PTPRD: variants seen among roughly 807,000 people sequenced by gnomAD.
The protein encoded by PTPRD is receptor-type tyrosine-protein phosphatase delta.
Under a neutral mutation model 214.5 loss-of-function variants are expected in PTPRD, and 34 were observed. That is an observed-to-expected ratio of 0.16 (90% CI 0.12 to 0.21). The LOEUF is 0.21. PTPRD is among the 10% of genes least tolerant of loss of function. The pLI is 1.00. For synonymous variants in PTPRD, 1,128 were observed against 845.7 expected (o/e 1.33, Z -5.79); for missense variants, 2,545 against 2,398.7 (o/e 1.06, Z -1.27).
chr9:10,525,520 T>C (rs144567635), intron 2 of PTPRD, among the ~76,000 whole-genome samples: 1 of 152,290 alleles, frequency 6.6e-6, no homozygotes, highest in Non-Finnish European at 1.5e-5. Flanking sequence ...AATTGATTTA[T>C]AGTTTCTAAT....
intron 2 of PTPRD, among the ~76,000 whole-genome samples, chr9:10,387,188 T>G (rs2097931603): frequency 6.6e-6 from 1 of 151,926 alleles, no homozygotes; most frequent in East Asian, 1.9e-4. Flanking sequence ...AAATTTGTGT[T>G]GTTTTAAGGC....
intron 9 of PTPRD, among the ~76,000 whole-genome samples, chr9:9,228,203 A>G (rs150070503): frequency 3.3e-5 from 5 of 152,240 alleles, no homozygotes; most frequent in African/African-American, 7.2e-5. Flanking sequence ...CTGTGCTTCA[A>G]TGAAGACATT....
At chr9:8,369,118 T>G (rs988626207) in intron 39 of PTPRD, among the ~76,000 whole-genome samples, 1 of 152,152 alleles carries the variant, frequency 6.6e-6, no homozygotes, top group Admixed American at 6.5e-5. Flanking sequence ...TTGGCAATAC[T>G]TGTGGTCTTT....
intron 9 of PTPRD, among the ~76,000 whole-genome samples, chr9:9,235,083 G>T (rs1043201026): frequency 1.3e-5 from 2 of 152,114 alleles, no homozygotes; most frequent in Non-Finnish European, 2.9e-5. Context: ...CCACATGGCT[G>T]GGGAGGCCTC....
At chr9:10,452,080 G>A (rs1330157239) in intron 2 of PTPRD, among the ~76,000 whole-genome samples, 1 of 151,936 alleles carries the variant, frequency 6.6e-6, no homozygotes, top group Admixed American at 6.6e-5. Flanking sequence ...ACTAGTAGAA[G>A]AAGCTTCAAG....
chr9:8,675,520 T>TACACACAC (rs1188291707), intron 12 of PTPRD, among the ~76,000 whole-genome samples: 8 of 82,906 alleles, frequency 9.6e-5, no homozygotes, highest in African/African-American at 2.1e-4. Context: ...TATGCACACA[T>TACACACAC]ACACACACAC....
intron 5 of PTPRD, among the ~76,000 whole-genome samples, chr9:9,877,320 T>A (rs2067167995): frequency 6.6e-6 from 1 of 152,136 alleles, no homozygotes; most frequent in Admixed American, 6.5e-5. Flanking sequence ...ATATACTCTT[T>A]TCCTCCACAG....
At chr9:8,477,438 G>C (rs2096787357) in intron 30 of PTPRD, among the ~76,000 whole-genome samples, 1 of 152,098 alleles carries the variant, frequency 6.6e-6, no homozygotes, top group East Asian at 1.9e-4. Flanking sequence ...TTATCATCAA[G>C]GGGCCCAGTT....
chr9:10,338,473 C>A (rs1233647882), intron 3 of PTPRD, among the ~76,000 whole-genome samples: 1 of 151,644 alleles, frequency 6.6e-6, no homozygotes, highest in Non-Finnish European at 1.5e-5. Flanking sequence ...TTTTGTGTGC[C>A]CAGCACATAC....
intron 8 of PTPRD, among the ~76,000 whole-genome samples, chr9:9,561,279 A>T (rs186777622): frequency 6.6e-6 from 1 of 152,126 alleles, no homozygotes; most frequent in African/African-American, 2.4e-5. Context: ...TCCAGATCAA[A>T]CCCATGGATA....
chr9:9,456,666 C>T (rs191540612), intron 8 of PTPRD, among the ~76,000 whole-genome samples: 1 of 151,956 alleles, frequency 6.6e-6, no homozygotes, highest in East Asian at 1.9e-4. Context: ...ATGAGCTATA[C>T]ATTTCATACA....
Position 9,009,798 on chromosome 9 carries a change from T to G in PTPRD, c.-104+8899A>C, listed in dbSNP as rs146168629. On this transcript the variant is annotated intron_variant, in intron 11 of 45. Coordinates refer to ENST00000381196, the MANE Select transcript of PTPRD (RefSeq NM_002839.4). Reference sequence around the variant, plus strand: ...TTGGATGCTTTGGCCACATAACGAGTATAAGGACAGATTGCAAAAATACTA... The same window carrying G: ...TTGGATGCTTTGGCCACATAACGAGGATAAGGACAGATTGCAAAAATACTA... 4.4e-3 allele frequency among the ~76,000 whole-genome samples: 673 copies of G among 151,990 alleles called. 6 individuals carry two copies. The highest frequency in any genetic ancestry group is 0.014 in the African/African-American group (592 of 41,442).
intron 4 of PTPRD, among the ~76,000 whole-genome samples, chr9:9,966,831 A>G (rs2094738866): frequency 6.6e-6 from 1 of 152,160 alleles, no homozygotes; most frequent in Admixed American, 6.5e-5. Flanking sequence ...GGAAGAGAAG[A>G]AAGAAAACTG....
At chr9:8,377,194 A>G (rs1020932219) in intron 37 of PTPRD, among the ~76,000 whole-genome samples, 1 of 152,132 alleles carries the variant, frequency 6.6e-6, no homozygotes, top group African/African-American at 2.4e-5. Flanking sequence ...TGGAAAATCT[A>G]TCAAAGTATA....
intron 6 of PTPRD, among the ~76,000 whole-genome samples, chr9:9,757,907 C>T (rs2098603283): frequency 2.0e-5 from 3 of 152,052 alleles, no homozygotes; most frequent in South Asian, 2.1e-4. Context: ...CATTGTGGAG[C>T]CCAAGTGAAG....
chr9:9,954,297 C>CCAAAAAAAA, intron 4 of PTPRD, among the ~76,000 whole-genome samples: 1 of 53,770 alleles, frequency 1.9e-5, no homozygotes, highest in African/African-American at 5.1e-5. Flanking sequence ...TGTCTCAAAA[C>CCAAAAAAAA]AAAAAAAAAA....
rs2090110438 is a variant in PTPRD at position 9,445,587 on chromosome 9, G to T, written c.-236-48105C>A. 3.9e-5 allele frequency among the ~76,000 whole-genome samples: 6 copies of T among 152,212 alleles called. No individual in the cohort carries two copies. In the South Asian group the frequency reaches 1.2e-3, roughly 32 times the overall value. On this transcript the variant is annotated intron_variant, in intron 8 of 45. Transcript: ENST00000381196. ...AAGCAAACACGTCCTTCTTCACATG[G>T]CAGCAGGAAGGAGAAGTGCCAAGCA...
At chr9:9,255,453 C>T (rs2099977320) in intron 9 of PTPRD, among the ~76,000 whole-genome samples, 1 of 151,958 alleles carries the variant, frequency 6.6e-6, no homozygotes, top group Admixed American at 6.6e-5. Flanking sequence ...GATCTATTTT[C>T]AATAAACTAA....
intron 2 of PTPRD, among the ~76,000 whole-genome samples, chr9:10,435,130 C>T (rs2098708916): frequency 1.3e-5 from 2 of 151,804 alleles, no homozygotes; most frequent in Non-Finnish European, 2.9e-5. Flanking sequence ...TCCAAGGACT[C>T]GAGGAAGCCA....
Sources: allele counts gnomAD v4.1 joint callset (sites outside exome capture counted in the v4.1 genomes callset), GRCh38; gene constraint gnomAD v4.1.1; transcripts MANE v1.5; gene names NCBI Gene and HGNC (gene_info 2026-07-23, HGNC 2026-07-21).